Variants in ARFGEF1 observed in about 807,000 individuals in gnomAD.
ARFGEF1 encodes ARF guanine nucleotide exchange factor 1.
ARFGEF1 carries 42 observed loss-of-function variants against 231.0 expected under a neutral mutation model. That is an observed-to-expected ratio of 0.18 (90% CI 0.14 to 0.24). The LOEUF (loss-of-function observed/expected upper bound fraction) is 0.24. Ranked by LOEUF, ARFGEF1 falls within the 10% of genes least tolerant of loss-of-function variation. The pLI, the probability that ARFGEF1 is intolerant of heterozygous loss-of-function variation, is 1.00. For missense variants in ARFGEF1, 1,345 were observed against 2,192.0 expected (o/e 0.61, Z 7.72); for synonymous variants, 710 against 732.3 (o/e 0.97, Z 0.49).
intron 27 of ARFGEF1, 65 bp downstream of exon 27, chr8:67,227,072 T>C: frequency 7.0e-7 from 1 of 1,420,796 alleles, no homozygotes; most frequent in East Asian, 2.3e-5. Context: ...TGAATCATCT[T>C]CTGAACACGT....
chr8:67,303,344 A>T (rs1806587789), intron 1 of ARFGEF1, among the ~76,000 whole-genome samples: 1 of 152,212 alleles, frequency 6.6e-6, no homozygotes. Context: ...TTTAATGGGA[A>T]ATTTTCCCTT....
chr8:67,269,752 T>A (rs1341856909), intron 10 of ARFGEF1, among the ~76,000 whole-genome samples: 1 of 152,004 alleles, frequency 6.6e-6, no homozygotes, highest in African/African-American at 2.4e-5. Context: ...CAATAAGGAG[T>A]GAAATAAACC....
chr8:67,258,600 G>T (rs1840539899), intron 15 of ARFGEF1, among the ~76,000 whole-genome samples: 1 of 152,056 alleles, frequency 6.6e-6, no homozygotes, highest in African/African-American at 2.4e-5. Context: ...GGGATTACAG[G>T]CATGAGCCAC....
intron 19 of ARFGEF1, among the ~76,000 whole-genome samples, chr8:67,248,011 G>A (rs1840158109): frequency 6.7e-6 from 1 of 149,902 alleles, no homozygotes; most frequent in Non-Finnish European, 1.5e-5. Flanking sequence ...CACTGAAGAG[G>A]ACACCAGAAA....
chr8:67,288,216 A>C (rs1333998487), intron 6 of ARFGEF1, 151 bp from the exon 7 acceptor site: 1 of 482,956 alleles, frequency 2.1e-6, no homozygotes, highest in Non-Finnish European at 3.6e-6. Context: ...TATATGCTAA[A>C]CCTTCAAAAT....
intron 34 of ARFGEF1, among the ~76,000 whole-genome samples, chr8:67,205,963 G>A (rs78691094): frequency 0.015 from 2,307 of 152,214 alleles, 63 homozygotes; most frequent in African/African-American, 0.053. Flanking sequence ...AGATCCATGT[G>A]AGACAGGAAG....
chr8:67,340,951 T>C (rs1808596953), intron 1 of ARFGEF1, among the ~76,000 whole-genome samples: 1 of 152,192 alleles, frequency 6.6e-6, no homozygotes, highest in African/African-American at 2.4e-5. Flanking sequence ...ATGATGCTCA[T>C]GAGTGGTAGG....
At chr8:67,223,608 A>C (rs529176464) in intron 29 of ARFGEF1, among the ~76,000 whole-genome samples, 1 of 152,194 alleles carries the variant, frequency 6.6e-6, no homozygotes, top group African/African-American at 2.4e-5. Context: ...TAACTAGAAC[A>C]CACACAACCT....
chr8:67,246,422 C>T (rs1486004882), intron 19 of ARFGEF1, among the ~76,000 whole-genome samples: 7 of 150,200 alleles, frequency 4.7e-5, no homozygotes, highest in East Asian at 3.9e-4. Context: ...TCTGGTACAA[C>T]GGAATAAAAC....
At position 67,198,426 on chromosome 8, in the gene ARFGEF1, C is replaced by T; in HGVS notation, c.*508G>A. 1.0e-6 allele frequency: 1 copy of T among 986,028 alleles called. No individual in the cohort carries two copies. Among genetic ancestry groups the T allele is most frequent in the Non-Finnish European group, 1.2e-6 (1 of 830,084 alleles). 61.1% of individuals were successfully genotyped at this position (986,028 alleles called of 1,614,324 possible). ...TGTACATTTTTCACAGGATGATTAC[C>T]AGTATCTCAGATAGCCTGAGTGTGC... On this transcript the variant is annotated 3_prime_UTR_variant, in exon 39 of 39. Coordinates refer to ENST00000262215, the MANE Select transcript of ARFGEF1 (RefSeq NM_006421.5).
At chr8:67,178,879 C>T (rs1832318392) in intron 5 of ARFGEF1, among the ~76,000 whole-genome samples, 1 of 152,130 alleles carries the variant, frequency 6.6e-6, no homozygotes, top group African/African-American at 2.4e-5. Flanking sequence ...GGGAAGCTGC[C>T]AAGGTCTTTA....
chr8:67,222,190 T>TACACACACAC (rs1554636814), intron 29 of ARFGEF1, among the ~76,000 whole-genome samples: 9 of 134,926 alleles, frequency 6.7e-5, no homozygotes, highest in African/African-American at 2.7e-4. Flanking sequence ...CACATATATA[T>TACACACACAC]ATATATATAT....
intron 1 of ARFGEF1, among the ~76,000 whole-genome samples, chr8:67,340,819 C>A (rs1372835658): frequency 6.6e-6 from 1 of 151,990 alleles, no homozygotes; most frequent in Non-Finnish European, 1.5e-5. Flanking sequence ...ACAGAAGGGA[C>A]AAAAAAGTAA....
At chr8:67,253,376 C>T (rs1394383548) in intron 18 of ARFGEF1, 75 bp downstream of exon 18, 35 of 1,101,666 alleles carry the variant, frequency 3.2e-5, no homozygotes. Context: ...CCACACCTGA[C>T]CATAAGTGAA....
At chr8:67,225,905 T>C in intron 28 of ARFGEF1, 118 bp downstream of exon 28, 2 of 1,058,908 alleles carry the variant, frequency 1.9e-6, no homozygotes, top group Non-Finnish European at 2.6e-6. Flanking sequence ...GCTGCTCAGA[T>C]TATTTTTCAA....
intron 7 of ARFGEF1, among the ~76,000 whole-genome samples, chr8:67,279,189 T>A (rs1157041161): frequency 6.6e-6 from 1 of 151,710 alleles, no homozygotes; most frequent in Admixed American, 6.6e-5. Flanking sequence ...AGAAACTGAG[T>A]TCCTATCTCA....
chr8:67,218,174 T>C (rs771433135), intron 30 of ARFGEF1, 36 bp from the exon 31 acceptor site: 1 of 1,174,264 alleles, frequency 8.5e-7, no homozygotes, highest in Non-Finnish European at 1.1e-6. Context: ...ATCACGCCAT[T>C]AATCAACTAC....
intron 14 of ARFGEF1, among the ~76,000 whole-genome samples, chr8:67,261,562 A>G (rs1346032473): frequency 6.6e-6 from 1 of 152,254 alleles, no homozygotes; most frequent in Non-Finnish European, 1.5e-5. Context: ...ATTACTGCTC[A>G]TTGACAATGC....
intron 18 of ARFGEF1, 104 bp downstream of exon 18, chr8:67,253,347 G>A: frequency 1.4e-6 from 1 of 736,574 alleles, no homozygotes; most frequent in Admixed American, 3.8e-5. Context: ...GAGTAGCTGG[G>A]GACTATAAAT....
Sources: allele counts gnomAD v4.1 joint callset (sites outside exome capture counted in the v4.1 genomes callset), GRCh38; gene constraint gnomAD v4.1.1; transcripts MANE v1.5; gene names NCBI Gene and HGNC (gene_info 2026-07-23, HGNC 2026-07-21).